Variants in ATRNL1 observed in about 807,000 individuals in gnomAD.
ATRNL1 encodes the protein attractin-like protein 1.
Under a neutral mutation model 182.7 loss-of-function variants are expected in ATRNL1, and 95 were observed. The ratio of observed to expected loss-of-function variants is 0.52; its 90% confidence interval spans 0.44 to 0.62. The LOEUF is 0.62. Among genes scored for constraint, ATRNL1 ranks in the 20% least tolerant of loss-of-function variants. The pLI is 0.00. For missense variants in ATRNL1, 1,471 were observed against 1,679.5 expected, an observed-to-expected ratio of 0.88 and a Z score of 2.17; for synonymous variants, 576 against 568.3, an observed-to-expected ratio of 1.01 and a Z score of -0.19.
intron 27 of ATRNL1, among the ~76,000 whole-genome samples, chr10:115,749,755 G>A (rs782572437): frequency 8.6e-5 from 13 of 151,812 alleles, no homozygotes; most frequent in African/African-American, 1.2e-4. Context: ...TCTAAAAAGG[G>A]ATGAAATCAT....
chr10:115,561,478 A>G lies in ATRNL1; in HGVS notation c.3795+11942A>G, dbSNP rs368236378. 5.9e-5 allele frequency among the ~76,000 whole-genome samples: 9 copies of G among 152,324 alleles called. No individual in the cohort carries two copies. In the East Asian group the frequency reaches 7.7e-4, roughly 13 times the overall value. On this transcript the variant is annotated intron_variant, in intron 26 of 28. Coordinates refer to ENST00000355044, the MANE Select transcript of ATRNL1 (RefSeq NM_207303.4). Reference sequence around the variant, plus strand: ...TAAATATAAATAAAAATACATTATAACAACTATTTACATAACATTTGCATT... The same window carrying G: ...TAAATATAAATAAAAATACATTATAGCAACTATTTACATAACATTTGCATT...
At chr10:115,880,993 C>T (rs1287240131) in intron 28 of ATRNL1, among the ~76,000 whole-genome samples, 2 of 152,254 alleles carry the variant, frequency 1.3e-5, no homozygotes, top group Middle Eastern at 3.4e-3. Flanking sequence ...GTCCTAATCC[C>T]CCCGGGGTGA....
rs372601123 is a variant in ATRNL1 at position 115,429,894 on chromosome 10, C to A, written c.3322+3592C>A. ...CATCCTGGCTAACGCGTTGAAACCCCGTCTCTACTAAAAATACAAAAACAA... is the reference window on the plus strand; with the variant it reads ...CATCCTGGCTAACGCGTTGAAACCCAGTCTCTACTAAAAATACAAAAACAA... On this transcript the variant is annotated intron_variant, in intron 21 of 28. Transcript: ENST00000355044. Among the ~76,000 whole-genome samples the A allele has an allele frequency of 1.4e-3, 219 of 152,114 alleles. 1 individual carries two copies. The highest frequency in any genetic ancestry group is 5.0e-3 in the African/African-American group (208 of 41,480).
At chr10:115,821,057 G>A (rs115281652) in intron 27 of ATRNL1, among the ~76,000 whole-genome samples, 1,525 of 152,092 alleles carry the variant, frequency 0.01, 32 homozygotes, top group African/African-American at 0.035. Flanking sequence ...ACATGCCTTT[G>A]CCTCTCTCTC....
intron 26 of ATRNL1, among the ~76,000 whole-genome samples, chr10:115,621,297 AGAGAGAGAGAGAGAGAGT>A (rs1288279171): frequency 2.3e-5 from 3 of 132,586 alleles, no homozygotes; most frequent in Non-Finnish European, 3.2e-5. Context: ...AGAGAGAGAG[AGAGAGAGAGAGAGAGAGT>A]GTGTGAGTGA....
At chr10:115,164,314 C>A (rs1846937519) in intron 6 of ATRNL1, among the ~76,000 whole-genome samples, 2 of 152,074 alleles carry the variant, frequency 1.3e-5, no homozygotes, top group Admixed American at 6.6e-5. Flanking sequence ...TATCAGTAAA[C>A]AAGCTATATT....
chr10:115,247,074 G>A (rs1554904255), intron 10 of ATRNL1, among the ~76,000 whole-genome samples: 1 of 152,020 alleles, frequency 6.6e-6, no homozygotes, highest in African/African-American at 2.4e-5. Context: ...CAGAAAACAG[G>A]AATAATCCTT....
At chr10:115,911,030 A>G (rs1334977836) in intron 28 of ATRNL1, among the ~76,000 whole-genome samples, 7 of 151,866 alleles carry the variant, frequency 4.6e-5, no homozygotes, top group Non-Finnish European at 7.3e-5. Context: ...TTGGAAACAG[A>G]GTCTCACTTT....
At chr10:115,616,701 G>A (rs112100062) in intron 26 of ATRNL1, among the ~76,000 whole-genome samples, 26 of 152,302 alleles carry the variant, frequency 1.7e-4, no homozygotes, top group African/African-American at 6.0e-4. Flanking sequence ...AAGGACCGAG[G>A]TACAGCTCAG....
chr10:115,191,295 A>G (rs1468461853), intron 8 of ATRNL1, among the ~76,000 whole-genome samples: 1 of 151,982 alleles, frequency 6.6e-6, no homozygotes, highest in Non-Finnish European at 1.5e-5. Context: ...ACTCCAAACT[A>G]TTCTTCATAG....
intron 27 of ATRNL1, among the ~76,000 whole-genome samples, chr10:115,846,241 A>G (rs1950924888): frequency 6.6e-6 from 1 of 152,040 alleles, no homozygotes; most frequent in South Asian, 2.1e-4. Flanking sequence ...GAATGCTCCC[A>G]AAATGTATCT....
intron 26 of ATRNL1, among the ~76,000 whole-genome samples, chr10:115,656,348 A>G (rs1327776283): frequency 6.6e-6 from 1 of 152,156 alleles, no homozygotes. Context: ...TAGAGTTTGC[A>G]CATTCTCCCC....
At chr10:115,632,462 A>C (rs547300381) in intron 26 of ATRNL1, among the ~76,000 whole-genome samples, 5 of 152,222 alleles carry the variant, frequency 3.3e-5, no homozygotes, top group Non-Finnish European at 7.3e-5. Context: ...AATAGGGATA[A>C]GAAAGAGGAT....
chr10:115,315,337 A>T (rs1854243326), intron 17 of ATRNL1, among the ~76,000 whole-genome samples, 181 bp from the exon 18 acceptor site: 1 of 151,754 alleles, frequency 6.6e-6, no homozygotes, highest in Non-Finnish European at 1.5e-5. Flanking sequence ...TTTGTTTGTG[A>T]TGTATGTTTT....
intron 27 of ATRNL1, among the ~76,000 whole-genome samples, chr10:115,763,441 G>A (rs1448255018): frequency 6.6e-6 from 1 of 152,116 alleles, no homozygotes; most frequent in East Asian, 1.9e-4. Context: ...TTCAATGAGA[G>A]GGCAGTATTT....
At chr10:115,106,690 T>C (rs916803830) in intron 1 of ATRNL1, among the ~76,000 whole-genome samples, 2 of 152,176 alleles carry the variant, frequency 1.3e-5, no homozygotes, top group East Asian at 1.9e-4. Context: ...TGCTTTTGCT[T>C]CTTCCTCATT....
intron 26 of ATRNL1, among the ~76,000 whole-genome samples, chr10:115,708,991 C>T (rs1484364828): frequency 6.6e-6 from 1 of 151,656 alleles, no homozygotes; most frequent in African/African-American, 2.4e-5. Context: ...TTAAGATTCT[C>T]AGAAAGGGAA....
At chr10:115,783,716 A>G (rs904504480) in intron 27 of ATRNL1, among the ~76,000 whole-genome samples, 1 of 152,150 alleles carries the variant, frequency 6.6e-6, no homozygotes, top group Admixed American at 6.6e-5. Context: ...ATGAGAAAGA[A>G]TTATAAAGTG....
chr10:115,716,103 T>C (rs1947242469), intron 26 of ATRNL1, among the ~76,000 whole-genome samples: 1 of 152,164 alleles, frequency 6.6e-6, no homozygotes, highest in South Asian at 2.1e-4. Flanking sequence ...AAACATCATG[T>C]CTCCTTTCAC....
Sources: gnomAD v4.1 joint callset for allele counts (sites outside exome capture counted in the v4.1 genomes callset) on GRCh38, gnomAD v4.1.1 for gene constraint, MANE v1.5 for transcripts, NCBI Gene and HGNC (gene_info 2026-07-23, HGNC 2026-07-21) for gene names.